DNAH14: variants seen among roughly 807,000 people sequenced by gnomAD.
DNAH14 encodes the protein axonemal beta dynein heavy chain 14.
Under a neutral mutation model 520.9 loss-of-function variants are expected in DNAH14, and 478 were observed. The observed-to-expected ratio is 0.92, with a 90% CI of 0.85 to 0.99. The LOEUF (loss-of-function observed/expected upper bound fraction) is 0.99, where lower values mean the gene tolerates loss of function less well. DNAH14 is among the 50% of genes least tolerant of loss of function. The pLI, the probability that DNAH14 is intolerant of heterozygous loss-of-function variation, is 0.00. For missense variants in DNAH14, 4,831 were observed against 5,234.5 expected (o/e 0.92, Z 2.38); for synonymous variants, 1,581 against 1,757.2 (o/e 0.90, Z 2.51).
At chr1:225,273,691 C>T (rs2093378369) in intron 52 of DNAH14, among the ~76,000 whole-genome samples, 1 of 152,196 alleles carries the variant, frequency 6.6e-6, no homozygotes, top group Non-Finnish European at 1.5e-5. Flanking sequence ...GAACTGTCCA[C>T]TGTCTTGATA....
At position 225,203,499 on chromosome 1, in the gene DNAH14, T is replaced by C. The variant is rs533916980; in HGVS notation, c.5887-684T>C. Among the ~76,000 whole-genome samples the C allele has an allele frequency of 3.3e-5, 5 of 152,290 alleles. No individual in the cohort carries two copies. In the South Asian group the frequency reaches 1.0e-3, roughly 32 times the overall value. ...ATTATTTGGTTTTCTCCCTGACTAC[T>C]ATTGATAGTTAAGGAAACCAGTGCC... is the stretch of plus-strand genomic sequence containing the variant. On this transcript the variant is annotated intron_variant, in intron 38 of 85. Transcript: ENST00000682510.
chr1:225,217,532 A>G (rs2089531344), intron 41 of DNAH14, among the ~76,000 whole-genome samples: 1 of 152,048 alleles, frequency 6.6e-6, no homozygotes, highest in Admixed American at 6.5e-5. Flanking sequence ...GGCCTCCTTG[A>G]GCTGCGGTGG....
chr1:224,954,983 A>C lies in DNAH14; in HGVS notation c.102A>C (p.Lys34Asn). Residue 34 changes from lysine (K) to asparagine (N), a missense_variant, in exon 3 of 86, where the codon AAA becomes AAC. Transcript: ENST00000682510. ...GACTTTTAAGATATGAAGAGAAAAA[A>C]TATGAAGATGTGAAACCATTAGAGA... ...KPRLLRYEEKKYEDVKPLETQ... is the reference protein window; with the variant it reads ...KPRLLRYEEKNYEDVKPLETQ... 6.3e-7 allele frequency: 1 copy of C among 1,599,300 alleles called. No homozygotes were observed. Among genetic ancestry groups the C allele is most frequent in the Non-Finnish European group, 8.5e-7 (1 of 1,171,586 alleles).
intron 2 of DNAH14, among the ~76,000 whole-genome samples, chr1:224,953,475 G>A (rs2060311971): frequency 6.6e-6 from 1 of 151,978 alleles, no homozygotes; most frequent in Non-Finnish European, 1.5e-5. Context: ...TTATATAGAA[G>A]AGCAAAGGGC....
At chr1:225,058,005 T>C (rs2069390544) in intron 17 of DNAH14, among the ~76,000 whole-genome samples, 1 of 152,142 alleles carries the variant, frequency 6.6e-6, no homozygotes, top group African/African-American at 2.4e-5. Context: ...TTTTGTTGTG[T>C]CTCTGGCAGG....
At chr1:225,090,262 AG>A (rs1306361169) in intron 21 of DNAH14, among the ~76,000 whole-genome samples, 4 of 152,158 alleles carry the variant, frequency 2.6e-5, no homozygotes, top group African/African-American at 9.6e-5. Context: ...AAAAAATGGA[AG>A]ATACATTGTG....
In DNAH14 at chr1:225,398,559, T is replaced by C; in HGVS notation, c.13531T>C (p.Leu4511=). Residue 4511 remains leucine, a synonymous_variant, in exon 85 of 86, where the codon TTA becomes CTA. Transcript: ENST00000682510. The part of the protein sequence containing the change: ...SSHTGVYIFG[L]FIEGARWNRE... ...TCACACTGGAGTTTACATTTTTGGT[T>C]TATTCATCGAGGGGGCAAGATGGAA... 6.4e-7 allele frequency: 1 copy of C among 1,551,742 alleles called. No homozygotes were observed. Among genetic ancestry groups the C allele is most frequent in the Non-Finnish European group, 8.7e-7 (1 of 1,146,994 alleles).
chr1:225,377,274 A>T lies in DNAH14; in HGVS notation c.12554A>T (p.Asp4185Val), dbSNP rs1351126847. 6.7e-7 allele frequency: 1 copy of T among 1,498,278 alleles called. No individual in the cohort carries two copies. The highest frequency in any genetic ancestry group is 8.9e-7 in the Non-Finnish European group (1 of 1,122,084). The allele number at this position is 1,498,278 out of a possible 1,614,324, so 92.8% of individuals were successfully genotyped here. Residue 4185 changes from aspartate (D) to valine (V), a missense_variant, in exon 79 of 86, where the codon GAC (aspartate) becomes GTC (valine). Physicochemically the swap from Asp to Val is radical, Grantham distance 152. Coordinates refer to ENST00000682510, the MANE Select transcript of DNAH14 (RefSeq NM_001367479.1). ...GTTCCAGGATCTGCAAGCATAAAGG[A>T]CTACATACACATTATCCAGTCCTTA... ...LPVPGSASIK[D>V]YIHIIQSLPD...
chr1:225,273,611 T>C (rs1018180722), intron 52 of DNAH14, among the ~76,000 whole-genome samples: 18 of 152,200 alleles, frequency 1.2e-4, no homozygotes, highest in African/African-American at 2.4e-5. Flanking sequence ...AAAATCATCA[T>C]TGATGCCTTT....
chr1:225,324,644 A>G lies in DNAH14; in HGVS notation c.9628-93A>G. 8 of 1,191,282 alleles carry G rather than the reference A, an allele frequency of 6.7e-6. No individual in the cohort carries two copies. In the South Asian group the frequency reaches 1.0e-4, roughly 15 times the overall value. The allele number at this position is 1,191,282 out of a possible 1,614,324, so 73.8% of individuals were successfully genotyped here. A position where few individuals can be genotyped will look rare whatever the true frequency, so the allele number is the denominator to read the frequency against. On this transcript the variant is annotated intron_variant, in intron 63 of 85. Coordinates refer to ENST00000682510, the MANE Select transcript of DNAH14 (RefSeq NM_001367479.1). ...GTTCTAGGAAAGTTTAATTGTAACA[A>G]TTGACTCTGTAAATGTCTTTCAAAT...
intron 12 of DNAH14, among the ~76,000 whole-genome samples, chr1:225,040,607 T>C (rs994784967): frequency 3.9e-5 from 6 of 152,230 alleles, no homozygotes; most frequent in African/African-American, 1.2e-4. Flanking sequence ...ATTCCACTGT[T>C]GATAGACATC....
chr1:225,218,697 C>T (rs557229677), intron 41 of DNAH14, among the ~76,000 whole-genome samples: 20 of 152,292 alleles, frequency 1.3e-4, no homozygotes, highest in African/African-American at 4.6e-4. Context: ...GACTTAGACT[C>T]CCACACAATA....
At chr1:225,171,126 A>G (rs945404017) in intron 36 of DNAH14, among the ~76,000 whole-genome samples, 1 of 152,242 alleles carries the variant, frequency 6.6e-6, no homozygotes, top group Non-Finnish European at 1.5e-5. Context: ...AGCAGTGTGT[A>G]GAGGGAAATT....
chr1:225,378,465 G>C (rs1261425521), intron 79 of DNAH14, among the ~76,000 whole-genome samples: 5 of 152,194 alleles, frequency 3.3e-5, no homozygotes, highest in African/African-American at 1.2e-4. Context: ...TGTGACCTCA[G>C]GCGATCTGTA....
At chr1:225,354,717 A>C (rs2095411098) in intron 73 of DNAH14, among the ~76,000 whole-genome samples, 1 of 152,216 alleles carries the variant, frequency 6.6e-6, no homozygotes, top group Admixed American at 6.5e-5. Context: ...ATTCATCCTT[A>C]TTGCCTTAAA....
Position 225,164,897 on chromosome 1 carries a change from G to GCT in DNAH14, c.5446-3029_5446-3028dup, listed in dbSNP as rs200904150. 7.1e-3 allele frequency among the ~76,000 whole-genome samples: 1,081 copies of GCT among 151,448 alleles called. 9 individuals carry two copies. The highest frequency in any genetic ancestry group is 0.024 in the African/African-American group (1,011 of 41,324). On this transcript the variant is annotated intron_variant, in intron 35 of 85. Transcript: ENST00000682510. Reference sequence around the variant, plus strand: ...TGGACTTCTGCACACTCCTGCTTGTGCTCTCTCTCTCTCTTTTAGAAAATA... The same window carrying GCT: ...TGGACTTCTGCACACTCCTGCTTGTGCTCTCTCTCTCTCTCTTTTAGAAAATA...
In DNAH14 at chr1:225,265,179, C is replaced by T. The variant is rs757240161; in HGVS notation, c.7223-3C>T. On this transcript the variant is annotated splice_region_variant and splice_polypyrimidine_tract_variant and intron_variant, in intron 47 of 85. Coordinates refer to ENST00000682510, the MANE Select transcript of DNAH14 (RefSeq NM_001367479.1). ...TTTTTTCTTTCTATGTTTGGCATCA[C>T]AGATAATCCCACTAAAAAGCCAGAA... The T allele has an allele frequency of 8.8e-5, 128 of 1,461,000 alleles. No individual in the cohort carries two copies. Among genetic ancestry groups the T allele is most frequent in the Non-Finnish European group, 1.1e-4 (126 of 1,112,594 alleles). The allele number at this position is 1,461,000 out of a possible 1,614,324, so 90.5% of individuals were successfully genotyped here.
At chr1:224,994,560 C>T (rs1362402342) in intron 8 of DNAH14, among the ~76,000 whole-genome samples, 1 of 151,918 alleles carries the variant, frequency 6.6e-6, no homozygotes, top group Non-Finnish European at 1.5e-5. Context: ...CTATGTGTGT[C>T]CTTAAAAGTG....
intron 1 of DNAH14, among the ~76,000 whole-genome samples, chr1:224,949,331 CAT>C (rs2060027411): frequency 6.6e-6 from 1 of 151,648 alleles, no homozygotes. Flanking sequence ...CGTGTGTGTG[CAT>C]GTGTGTGTGT....
Sources: gnomAD v4.1 joint callset for allele counts (sites outside exome capture counted in the v4.1 genomes callset) on GRCh38, gnomAD v4.1.1 for gene constraint, MANE v1.5 for transcripts, NCBI Gene and HGNC (gene_info 2026-07-23, HGNC 2026-07-21) for gene names.